Variants in SOX30 observed in about 807,000 individuals in gnomAD.
The protein encoded by SOX30 is transcription factor SOX-30.
A neutral mutation model predicts 58.6 loss-of-function variants in SOX30; 17 were observed. The observed-to-expected ratio is 0.29, with a 90% CI of 0.20 to 0.44. The LOEUF (loss-of-function observed/expected upper bound fraction) is 0.44. Among genes scored for constraint, SOX30 ranks in the 20% least tolerant of loss-of-function variants. SOX30 has a pLI of 1.00. For synonymous variants in SOX30, 421 were observed against 400.2 expected, an observed-to-expected ratio of 1.05 and a Z score of -0.62; for missense variants, 951 against 965.8, an observed-to-expected ratio of 0.98 and a Z score of 0.20.
chr5:157,637,665 T>C (rs1432830547), intron 4 of SOX30, among the ~76,000 whole-genome samples: 1 of 152,160 alleles, frequency 6.6e-6, no homozygotes, highest in Non-Finnish European at 1.5e-5. Flanking sequence ...CTTATAGTTA[T>C]TTTGCATGAA....
chr5:157,628,264 G>C (rs1332420244), intron 4 of SOX30, among the ~76,000 whole-genome samples: 1 of 151,848 alleles, frequency 6.6e-6, no homozygotes, highest in Admixed American at 6.6e-5. Flanking sequence ...AGGAATTATA[G>C]GAAGAGGTAG....
intron 3 of SOX30, among the ~76,000 whole-genome samples, chr5:157,639,616 AG>A (rs1466047156): frequency 6.6e-6 from 1 of 152,208 alleles, no homozygotes; most frequent in Admixed American, 6.5e-5. Context: ...TCTGTTCTGA[AG>A]AAGACAGGAC....
chr5:157,627,525 C>G (rs1377560932), intron 4 of SOX30, among the ~76,000 whole-genome samples: 1 of 152,034 alleles, frequency 6.6e-6, no homozygotes, highest in African/African-American at 2.4e-5. Flanking sequence ...GGCACTGGAA[C>G]AGAAGACAAG....
At position 157,626,361 on chromosome 5, in the gene SOX30, T is replaced by A; in HGVS notation, c.2241A>T (p.Glu747Asp). 1 of 1,608,228 alleles carries A rather than the reference T, an allele frequency of 6.2e-7. No individual in the cohort carries two copies. The highest frequency in any genetic ancestry group is 8.5e-7 in the Non-Finnish European group (1 of 1,177,774). ...AAAATTATAAATCCCTGAGCACTTT[T>A]TCTTCTTCCTCCTCATCACTGTCGG... ...NVTDSDEEEE[E>D]KVLRDL is the part of the protein sequence containing the mutation. Residue 747 changes from glutamate (E) to aspartate (D), a missense_variant, in exon 5 of 5, where the codon GAA (glutamate) becomes GAT (aspartate). Around this residue, in one of 7 missense-constraint regions of SOX30, gnomAD observed 381 missense variants for 390.0 expected, o/e 0.98. Coordinates refer to ENST00000265007, the MANE Select transcript of SOX30 (RefSeq NM_178424.2).
At chr5:157,670,325 A>G (rs1184998492) in intron 1 of SOX30, among the ~76,000 whole-genome samples, 1 of 152,226 alleles carries the variant, frequency 6.6e-6, no homozygotes, top group Admixed American at 6.5e-5. Flanking sequence ...CTCAAAGTCT[A>G]GTGGGGGAAA....
intron 2 of SOX30, among the ~76,000 whole-genome samples, chr5:157,658,954 A>T (rs529158508): frequency 3.3e-5 from 5 of 152,114 alleles, no homozygotes; most frequent in East Asian, 1.9e-4. Flanking sequence ...ACCCACCAAA[A>T]CCTAGATGGT....
At chr5:157,629,548 A>G (rs903171934) in intron 4 of SOX30, among the ~76,000 whole-genome samples, 3 of 152,218 alleles carry the variant, frequency 2.0e-5, no homozygotes, top group Non-Finnish European at 4.4e-5. Flanking sequence ...GACAAAGGCA[A>G]TCCTAGAAGG....
chr5:157,639,736 G>A lies in SOX30; in HGVS notation c.1388-1014C>T, dbSNP rs1212225731. On this transcript the variant is annotated intron_variant, in intron 3 of 4. Coordinates refer to ENST00000265007, the MANE Select transcript of SOX30 (RefSeq NM_178424.2). The stretch of plus-strand genomic sequence containing the variant: ...CACAGCAAGAGAGTCATGATCTAAC[G>A]TATTGCAATACAGTTTCGAATCCAT... 5.3e-5 allele frequency among the ~76,000 whole-genome samples: 8 copies of A among 152,290 alleles called. No homozygotes were observed. The South Asian group carries it at 1.2e-3, about 24-fold the overall frequency.
chr5:157,640,583 A>G (rs1038491664), intron 3 of SOX30, among the ~76,000 whole-genome samples: 28 of 152,134 alleles, frequency 1.8e-4, no homozygotes, highest in Non-Finnish European at 4.4e-5. Context: ...TGAAAAAACT[A>G]AGATAAGCAG....
intron 1 of SOX30, among the ~76,000 whole-genome samples, chr5:157,669,408 C>G (rs531117894): frequency 6.6e-6 from 1 of 152,288 alleles, no homozygotes; most frequent in South Asian, 2.1e-4. Flanking sequence ...TGGTCTTAAA[C>G]TCCTGACCTC....
intron 1 of SOX30, among the ~76,000 whole-genome samples, chr5:157,650,055 A>C (rs1243649525): frequency 6.6e-6 from 1 of 152,226 alleles, no homozygotes; most frequent in Non-Finnish European, 1.5e-5. Context: ...TTAAAAAAAG[A>C]AAGTCACAGA....
intron 1 of SOX30, among the ~76,000 whole-genome samples, chr5:157,649,558 G>A (rs1049714538): frequency 6.6e-6 from 1 of 152,246 alleles, no homozygotes; most frequent in Non-Finnish European, 1.5e-5. Context: ...GGGAGGCCAA[G>A]GCAGGTGGAT....
At chr5:157,655,475 G>A (rs2113854170), upstream of SOX30, among the ~76,000 whole-genome samples, 1 of 152,306 alleles carries the variant, frequency 6.6e-6, no homozygotes, top group East Asian at 1.9e-4. Flanking sequence ...ACTACGGTAT[G>A]TTAACTTCTA....
upstream of SOX30, among the ~76,000 whole-genome samples, chr5:157,655,731 C>T (rs1759459541): frequency 6.6e-6 from 1 of 152,162 alleles, no homozygotes; most frequent in South Asian, 2.1e-4. Flanking sequence ...CACCTTGCCT[C>T]AGGCAATGCT....
In SOX30 at chr5:157,652,043, C is replaced by A. The variant is rs1759366578; in HGVS notation, c.36G>T (p.Pro12=). 1.4e-6 allele frequency: 2 copies of A among 1,421,842 alleles called. No homozygotes were observed. The highest frequency in any genetic ancestry group is 1.8e-6 in the Non-Finnish European group (2 of 1,096,490). The allele number at this position is 1,421,842 out of a possible 1,614,324, so 88.1% of individuals were successfully genotyped here. The change falls in exon 1 of 5, where the codon CCG becomes CCT. Residue 12 remains proline (P), a synonymous_variant. Transcript: ENST00000265007. ...ERARPEPPPQ[P]RPLRPAPPPL... ...GGGGCGGAGCGGGACGCAACGGGCGCGGCTGAGGCGGCGGCTCGGGTCTGG... is the reference window on the plus strand; with the variant it reads ...GGGGCGGAGCGGGACGCAACGGGCGAGGCTGAGGCGGCGGCTCGGGTCTGG...
intron 2 of SOX30, among the ~76,000 whole-genome samples, chr5:157,665,349 C>CA (rs1199548228): frequency 1.3e-5 from 2 of 151,998 alleles, no homozygotes; most frequent in Non-Finnish European, 2.9e-5. Flanking sequence ...ATGGCAAGGA[C>CA]AAAAAACCAA....
intron 4 of SOX30, among the ~76,000 whole-genome samples, chr5:157,627,754 G>A (rs1306227595): frequency 2.0e-5 from 3 of 152,140 alleles, no homozygotes; most frequent in African/African-American, 4.8e-5. Flanking sequence ...CAGCACTCTG[G>A]GAGGCCGAGG....
At chr5:157,638,743 T>C in intron 3 of SOX30, 21 bp from the exon 4 acceptor site, 1 of 1,566,070 alleles carries the variant, frequency 6.4e-7, no homozygotes, top group South Asian at 1.2e-5. Flanking sequence ...AAAAATAGCA[T>C]AAATCAAGAA....
At chr5:157,662,026 G>A (rs181916441) in intron 2 of SOX30, among the ~76,000 whole-genome samples, 1 of 152,204 alleles carries the variant, frequency 6.6e-6, no homozygotes, top group African/African-American at 2.4e-5. Context: ...ACGCTTTAAT[G>A]TTTTTCACTG....
Sources: allele counts gnomAD v4.1 joint callset (sites outside exome capture counted in the v4.1 genomes callset), GRCh38; gene constraint gnomAD v4.1.1; regional missense constraint gnomAD v4.1.1; transcripts MANE v1.5; gene names NCBI Gene and HGNC (gene_info 2026-07-23, HGNC 2026-07-21).